Variants in PGC observed in about 807,000 individuals in gnomAD.
PGC encodes the protein gastricsin.
In PGC, 31 loss-of-function variants were observed where a neutral mutation model predicts 45.9. The observed-to-expected ratio is 0.67, with a 90% CI of 0.51 to 0.91. The LOEUF (loss-of-function observed/expected upper bound fraction) is 0.91. Among genes scored for constraint, PGC ranks in the 40% least tolerant of loss-of-function variants. The pLI is 0.00. For synonymous variants in PGC, 192 were observed against 201.8 expected (o/e 0.95, Z 0.41); for missense variants, 477 against 493.2 (o/e 0.97, Z 0.31).
chr6:41,739,751 C>T, intron 7 of PGC, 48 bp downstream of exon 7: 1 of 1,560,574 alleles, frequency 6.4e-7, no homozygotes, highest in Non-Finnish European at 8.7e-7. Flanking sequence ...ATCATGAATG[C>T]CTCTGGAGTA....
At chr6:41,742,635 T>G in intron 4 of PGC, 146 bp from the exon 5 acceptor site, 1 of 673,184 alleles carries the variant, frequency 1.5e-6, no homozygotes, top group Admixed American at 2.4e-5. Context: ...TTTGTTTGTT[T>G]GCTTGTTTGA....
At position 41,742,368 on chromosome 6, in the gene PGC, TCCA is replaced by T. The variant is rs1187863365; in HGVS notation, c.566_568del (p.Val189del). The stretch of plus-strand genomic sequence containing the variant: ...GCCCTGCATAGCTGTGGTGGCCTCA[TCCA>T]CGGACAGAGCAGGGTAGGCCAGGCC... On this transcript the variant is annotated inframe_deletion, in exon 5 of 9. Transcript: ENST00000373025. 6.2e-7 allele frequency: 1 copy of T among 1,614,126 alleles called. No individual in the cohort carries two copies. The highest frequency in any genetic ancestry group is 1.1e-5 in the South Asian group (1 of 91,084).
chr6:41,744,657 C>T lies in PGC; in HGVS notation c.210+1G>A, dbSNP rs1314519377. ...TACCGCCAGAAAGGGTCAGGACTCA[C>T]ATCCATGTAGGCCATGGGCTCGTAG... On this transcript the variant is annotated splice_donor_variant, in intron 2 of 8. Transcript: ENST00000373025. LOFTEE classifies it high-confidence loss of function. This position sits in a 1 kb window ranked among gnomAD's most constrained non-coding sequence, Gnocchi z 4.4. 4 of 1,614,056 alleles carry T rather than the reference C, an allele frequency of 2.5e-6. No individual in the cohort carries two copies. The highest frequency in any genetic ancestry group is 3.4e-6 in the Non-Finnish European group (4 of 1,179,926).
intron 1 of PGC, 35 bp downstream of exon 1, chr6:41,747,241 G>C: frequency 1.3e-6 from 2 of 1,595,972 alleles, no homozygotes; most frequent in Non-Finnish European, 1.7e-6. Flanking sequence ...CTCCCATCCA[G>C]GCTCCCTGCA....
In PGC at chr6:41,744,861, C is replaced by G. The variant is rs1326051680; in HGVS notation, c.60-53G>C. 1 of 1,494,088 alleles carries G rather than the reference C, an allele frequency of 6.7e-7. No individual in the cohort carries two copies. The highest frequency in any genetic ancestry group is 9.2e-7 in the Non-Finnish European group (1 of 1,089,082). 92.6% of individuals were successfully genotyped at this position (1,494,088 alleles called of 1,614,324 possible). On this transcript the variant is annotated intron_variant, in intron 1 of 8. Transcript: ENST00000373025. The surrounding 1 kb of genome is among the most constrained non-coding windows in gnomAD (Gnocchi z 4.4). The stretch of plus-strand genomic sequence containing the variant: ...GCCCTCCCTCCTTCCTCTCTTCCCA[C>G]TCCTCTCTTTCTCTCTCTCCTTCTC...
chr6:41,737,919 G>A (rs1771718987), intron 7 of PGC, 91 bp from the exon 8 acceptor site: 2 of 757,574 alleles, frequency 2.6e-6, no homozygotes, highest in African/African-American at 1.7e-5. Context: ...CCAGGCCTGA[G>A]CTCCGGGCCC....
At chr6:41,739,648 G>C in intron 7 of PGC, 151 bp downstream of exon 7, 1 of 716,484 alleles carries the variant, frequency 1.4e-6, no homozygotes, top group Non-Finnish European at 2.3e-6. Flanking sequence ...CAAACTCCTG[G>C]GCTCAAAAGA....
chr6:41,743,339 C>T lies in PGC; in HGVS notation c.379G>A (p.Gly127Arg). The T allele has an allele frequency of 1.9e-6, 3 of 1,614,108 alleles. No homozygotes were observed. In the South Asian group the frequency reaches 3.3e-5, roughly 18 times the overall value. The change falls in exon 4 of 9, where the codon GGG (glycine) becomes AGG (arginine). Residue 127 changes from glycine (G) to arginine (R), a missense_variant. Physicochemically the swap from Gly to Arg is moderately radical, Grantham distance 125. Coordinates refer to ENST00000373025, the MANE Select transcript of PGC (RefSeq NM_002630.4). ...PSESSTYSTN[G>R]QTFSLQYGSG... ...CCATACTGCAGGGAGAAGGTCTGCC[C>T]ATTGGTGGAGTAGGTGGACGACTCG...
chr6:41,739,824 C>T lies in PGC; in HGVS notation c.890G>A (p.Gly297Glu), dbSNP rs748734416. ...CTGTCCATACTCATCCTCCTGGGCC[C>T]CTGTGGCCTGCAGAAGAGCACTCAT... ...QYMSALLQAT[G>E]AQEDEYGQFL... Residue 297 changes from glycine (G) to glutamate (E), a missense_variant, in exon 7 of 9, where the codon GGG becomes GAG. Transcript: ENST00000373025. The T allele has an allele frequency of 2.5e-6, 4 of 1,614,000 alleles. No homozygotes were observed. In the South Asian group the frequency reaches 3.3e-5, roughly 13 times the overall value.
At position 41,736,806 on chromosome 6, in the gene PGC, G is replaced by GC; in HGVS notation, c.*45dup. ...GACAGATACAATGCCCTAGGAGGGT[G>GC]CAGGGTCAAGAGGAAGAGGGGAGCC... is the stretch of plus-strand genomic sequence containing the variant. On this transcript the variant is annotated 3_prime_UTR_variant, in exon 9 of 9. Transcript: ENST00000373025. 1 of 1,601,502 alleles carries GC rather than the reference G, an allele frequency of 6.2e-7. No individual in the cohort carries two copies. Among genetic ancestry groups the GC allele is most frequent in the Non-Finnish European group, 8.6e-7 (1 of 1,168,720 alleles).
intron 5 of PGC, 167 bp from the exon 6 acceptor site, chr6:41,740,777 C>A (rs1195057525): frequency 5.6e-6 from 8 of 1,438,424 alleles, no homozygotes; most frequent in Non-Finnish European, 7.3e-6. Context: ...GAGGACAGGG[C>A]TGTATCCCTT....
intron 4 of PGC, among the ~76,000 whole-genome samples, chr6:41,742,871 G>A (rs538907695): frequency 2.2e-4 from 33 of 152,262 alleles, no homozygotes; most frequent in Middle Eastern, 3.4e-3. Flanking sequence ...TGATCTGCCC[G>A]CCTTGGCCTT....
At chr6:41,740,432 T>C (rs1320184054) in intron 6 of PGC, 59 bp downstream of exon 6, 4 of 1,559,166 alleles carry the variant, frequency 2.6e-6, no homozygotes, top group Non-Finnish European at 3.5e-6. Flanking sequence ...GTGTGTGACA[T>C]GGCCTGGAAG....
At chr6:41,741,948 G>T in intron 5 of PGC, 1 of 883,050 alleles carries the variant, frequency 1.1e-6, no homozygotes, top group Non-Finnish European at 1.8e-6. Flanking sequence ...TGCCCCACCC[G>T]CTTCTCCACC....
In PGC at chr6:41,744,045, AATGGAGTGGG is replaced by A. The variant is rs376048301; in HGVS notation, c.328+342_328+351del. 2.0e-5 allele frequency among the ~76,000 whole-genome samples: 3 copies of A among 152,160 alleles called. No homozygotes were observed. The highest frequency in any genetic ancestry group is 4.8e-5 in the African/African-American group (2 of 41,482). ...GGTGGAGCAGAATAGAATGGAGTAG[AATGGAGTGGG>A]ATGGAGTGGGATGGAATGGACTGGA... On this transcript the variant is annotated intron_variant, in intron 3 of 8. Transcript: ENST00000373025. This position sits in a 1 kb window ranked among gnomAD's most constrained non-coding sequence, Gnocchi z 4.4.
At chr6:41,746,960 A>G (rs1421054447) in intron 1 of PGC, among the ~76,000 whole-genome samples, 1 of 152,264 alleles carries the variant, frequency 6.6e-6, no homozygotes, top group Non-Finnish European at 1.5e-5. Context: ...CCCTTCTGTG[A>G]GAAGAATCCA....
chr6:41,746,117 G>A (rs377539179), intron 1 of PGC, among the ~76,000 whole-genome samples: 8 of 152,052 alleles, frequency 5.3e-5, no homozygotes, highest in Middle Eastern at 3.4e-3. Flanking sequence ...AGCCGAGATC[G>A]CGCCATTGCA....
At chr6:41,745,791 C>T (rs189407145) in intron 1 of PGC, among the ~76,000 whole-genome samples, 1,655 of 151,784 alleles carry the variant, frequency 0.011, 12 homozygotes, top group Non-Finnish European at 0.017. Flanking sequence ...TCAAATGATC[C>T]GCCCGCCTTG....
chr6:41,741,314 C>T, intron 5 of PGC: 1 of 1,209,342 alleles, frequency 8.3e-7, no homozygotes. Context: ...ACTTCAGATT[C>T]CCCAGATTAG....
Sources: gnomAD v4.1 joint callset for allele counts (sites outside exome capture counted in the v4.1 genomes callset) on GRCh38, gnomAD v4.1.1 for gene constraint, Gnocchi (gnomAD v3.1) non-coding constraint, MANE v1.5 for transcripts, NCBI Gene and HGNC (gene_info 2026-07-23, HGNC 2026-07-21) for gene names.